The following NOTCH3 variants were observed in gnomAD, a reference collection of about 807,000 sequenced individuals.
The protein encoded by NOTCH3 is neurogenic locus notch homolog protein 3.
A neutral mutation model predicts 213.3 loss-of-function variants in NOTCH3; 86 were observed. That is an observed-to-expected ratio of 0.40 (90% CI 0.34 to 0.48). The LOEUF (loss-of-function observed/expected upper bound fraction) is 0.48. NOTCH3 is among the 20% of genes least tolerant of loss of function. The pLI is 0.57. For missense variants in NOTCH3, 2,783 were observed against 3,272.6 expected (o/e 0.85, Z 3.65); for synonymous variants, 1,354 against 1,355.9 (o/e 1.00, Z 0.03).
At position 15,190,348 on chromosome 19, in the gene NOTCH3, G is replaced by T. The variant is rs76906513; in HGVS notation, c.1037-920C>A. ...TTTTGACTCTTCTGATTACAAAAGG[G>T]TCCTACACTCCAGCCTTTGCTTCTG... On this transcript the variant is annotated intron_variant, in intron 6 of 32. Coordinates refer to ENST00000263388, the MANE Select transcript of NOTCH3 (RefSeq NM_000435.3). Among the ~76,000 whole-genome samples the T allele has an allele frequency of 2.4e-3, 363 of 152,276 alleles. 1 individual carries two copies. The highest frequency in any genetic ancestry group is 8.1e-3 in the African/African-American group (337 of 41,540).
At chr19:15,162,075 G>A (rs991946329) in intron 32 of NOTCH3, among the ~76,000 whole-genome samples, 2 of 144,696 alleles carry the variant, frequency 1.4e-5, no homozygotes, top group African/African-American at 5.1e-5. Flanking sequence ...TCAGCCTTCC[G>A]GGTTCAAGCG....
Position 15,173,800 on chromosome 19 carries a change from A to C in NOTCH3, c.4736+268T>G, listed in dbSNP as rs72992080. ...AAGGAGAAGGAGAAGAAGAAGAAGAAGAAGAAAAAAACCCTACACATGTAT... is the reference window on the plus strand; with the variant it reads ...AAGGAGAAGGAGAAGAAGAAGAAGACGAAGAAAAAAACCCTACACATGTAT... On this transcript the variant is annotated intron_variant, in intron 25 of 32. Coordinates refer to ENST00000263388, the MANE Select transcript of NOTCH3 (RefSeq NM_000435.3). Among the ~76,000 whole-genome samples, 132,754 of 147,942 alleles carry C rather than the reference A, an allele frequency of 0.9. 59,949 individuals are homozygous for C. Among genetic ancestry groups the C allele is most frequent in the African/African-American group, 0.96 (37,229 of 38,760 alleles).
At chr19:15,167,797 A>G (rs892709014) in intron 28 of NOTCH3, among the ~76,000 whole-genome samples, 33 of 151,994 alleles carry the variant, frequency 2.2e-4, no homozygotes, top group Admixed American at 4.6e-4. Flanking sequence ...TCAGGTGATC[A>G]GCCCCTCTCA....
At chr19:15,188,213 C>A in intron 9 of NOTCH3, 22 bp downstream of exon 9, 1 of 1,541,804 alleles carries the variant, frequency 6.5e-7, no homozygotes, top group Non-Finnish European at 8.9e-7. Flanking sequence ...TCTTTTCGGG[C>A]TCCCTCTCCT....
Position 15,165,645 on chromosome 19 carries a change from C to G in NOTCH3, c.5668-130G>C. 7.8e-7 allele frequency: 1 copy of G among 1,274,836 alleles called. No individual in the cohort carries two copies. Among genetic ancestry groups the G allele is most frequent in the East Asian group, 2.5e-5 (1 of 39,622 alleles). The allele number at this position is 1,274,836 out of a possible 1,614,324, so 79.0% of individuals were successfully genotyped here. A position where few individuals can be genotyped will look rare whatever the true frequency, so the allele number is the denominator to read the frequency against. On this transcript the variant is annotated intron_variant, in intron 30 of 32. Transcript: ENST00000263388. This position sits in a 1 kb window ranked among gnomAD's most constrained non-coding sequence, Gnocchi z 4.7. ...GAAATTGGTGAGGTTCAGGGAGCAG[C>G]TGCTTGACAGATACTGTATTCCCAT...
chr19:15,172,555 G>A (rs1297067579), intron 25 of NOTCH3, among the ~76,000 whole-genome samples: 1 of 151,400 alleles, frequency 6.6e-6, no homozygotes, highest in African/African-American at 2.4e-5. Flanking sequence ...CCTCCTCTCT[G>A]TATCAGAGAC....
intron 28 of NOTCH3, among the ~76,000 whole-genome samples, chr19:15,167,614 C>T (rs546639631): frequency 6.6e-6 from 1 of 151,894 alleles, no homozygotes; most frequent in Non-Finnish European, 1.5e-5. Flanking sequence ...AGTGCAGTGG[C>T]ATGATCTCAG....
Position 15,170,414 on chromosome 19 carries a change from A to G in NOTCH3, c.5031T>C (p.Pro1677=), listed in dbSNP as rs2046721973. The stretch of plus-strand genomic sequence containing the variant: ...CGTCCTTGTGCAGTGAGAAGCCCTC[A>G]GGGAACCAGAGGGTGCTGTGCTCGC... ...RKREHSTLWF[P]EGFSLHKDVA... Residue 1677 remains proline, a synonymous_variant, in exon 27 of 33, where the codon CCT becomes CCC. Coordinates refer to ENST00000263388, the MANE Select transcript of NOTCH3 (RefSeq NM_000435.3). 1.2e-6 allele frequency: 2 copies of G among 1,613,122 alleles called. No homozygotes were observed. Among genetic ancestry groups the G allele is most frequent in the Non-Finnish European group, 1.7e-6 (2 of 1,179,952 alleles).
chr19:15,188,618 C>G (rs540179664), intron 8 of NOTCH3, among the ~76,000 whole-genome samples: 1 of 152,144 alleles, frequency 6.6e-6, no homozygotes, highest in African/African-American at 2.4e-5. Context: ...AGCCCTTTCC[C>G]CAGTCCCCAG....
In NOTCH3 at chr19:15,169,186, G is replaced by GTCTCTCTGTC. The variant is rs1555726052; in HGVS notation, c.5199+899_5199+900insGACAGAGAGA. ...AAGAAGAGGATGGGATGTCAAATCT[G>GTCTCTCTGTC]TCTCTCTCTCTCTCTCTCTCTCTCT... On this transcript the variant is annotated intron_variant, in intron 28 of 32. Transcript: ENST00000263388. Among the ~76,000 whole-genome samples, 6 of 146,656 alleles carry GTCTCTCTGTC rather than the reference G, an allele frequency of 4.1e-5. No homozygotes were observed. In the East Asian group the frequency reaches 1.2e-3, roughly 30 times the overall value.
chr19:15,161,400 C>A lies in NOTCH3; in HGVS notation c.6228G>T (p.Gly2076=). The A allele has an allele frequency of 6.6e-7, 1 of 1,522,148 alleles. No individual in the cohort carries two copies. Among genetic ancestry groups the A allele is most frequent in the South Asian group, 1.2e-5 (1 of 81,554 alleles). 94.3% of individuals were successfully genotyped at this position (1,522,148 alleles called of 1,614,324 possible). The change falls in exon 33 of 33, where the codon GGG becomes GGT. Residue 2076 remains glycine (G), a synonymous_variant. Transcript: ENST00000263388. Reference sequence around the variant, plus strand: ...TCAGCTTCTTGCCCCGCCCCCGGGGCCCCTGCGGCCCCAGCCCCGCCTTCC... The same window carrying A: ...TCAGCTTCTTGCCCCGCCCCCGGGGACCCTGCGGCCCCAGCCCCGCCTTCC... The part of the protein sequence containing the change: ...PPGKAGLGPQ[G]PRGRGKKLTL...
Position 15,174,367 on chromosome 19 carries a change from A to G in NOTCH3, c.4437T>C (p.Phe1479=). ...PVYEKYCADH[F]ADGRCDQGCN... Reference sequence around the variant, plus strand: ...AGCCCTGGTCGCAGCGGCCGTCGGCAAAGTGGTCGGCGCAGTACTTCTCGT... The same window carrying G: ...AGCCCTGGTCGCAGCGGCCGTCGGCGAAGTGGTCGGCGCAGTACTTCTCGT... The change falls in exon 25 of 33, where the codon TTT becomes TTC. Residue 1479 remains phenylalanine, a synonymous_variant. Transcript: ENST00000263388. The G allele has an allele frequency of 6.5e-7, 1 of 1,544,736 alleles. No homozygotes were observed. Among genetic ancestry groups the G allele is most frequent in the Admixed American group, 2.0e-5 (1 of 50,828 alleles).
Position 15,185,553 on chromosome 19 carries a change from A to C in NOTCH3, c.2078T>G (p.Leu693Arg). 6.2e-7 allele frequency: 1 copy of C among 1,611,068 alleles called. No homozygotes were observed. The highest frequency in any genetic ancestry group is 8.5e-7 in the Non-Finnish European group (1 of 1,179,232). ...ATGGGCACAGGGATGGCTCGGGGGG[A>C]GGCAGAGTGGGGGCAAGGAGCCAGG... ...CPPGSLPPLCLPPSHPCAHEP... is the reference protein window; with the variant it reads ...CPPGSLPPLCRPPSHPCAHEP... Residue 693 changes from leucine to arginine, a missense_variant, in exon 13 of 33, where the codon CTC becomes CGC. This residue lies in a region of NOTCH3 where 861 missense variants were observed against 909.1 expected (regional missense o/e 0.95). Coordinates refer to ENST00000263388, the MANE Select transcript of NOTCH3 (RefSeq NM_000435.3). This position sits in a 1 kb window ranked among gnomAD's most constrained non-coding sequence, Gnocchi z 4.2.
chr19:15,178,915 G>A lies in NOTCH3; in HGVS notation c.3745C>T (p.Pro1249Ser), dbSNP rs972565503. The part of the protein sequence containing the change: ...SGPRCQTVLS[P>S]CESQPCQHGG... ...TGCTGGCATGGCTGGGACTCGCAGG[G>A]AGACAGGACAGTCTGACAGCGAGGA... is the stretch of plus-strand genomic sequence containing the variant. Residue 1249 changes from proline to serine, a missense_variant, in exon 23 of 33, where the codon CCC becomes TCC. By Grantham distance (74) the Pro-to-Ser change is moderately conservative. Transcript: ENST00000263388. The A allele has an allele frequency of 2.5e-6, 4 of 1,613,670 alleles. No individual in the cohort carries two copies. Among genetic ancestry groups the A allele is most frequent in the Non-Finnish European group, 3.4e-6 (4 of 1,179,884 alleles).
intron 16 of NOTCH3, among the ~76,000 whole-genome samples, chr19:15,182,116 C>T (rs2046846425): frequency 6.6e-6 from 1 of 152,042 alleles, no homozygotes; most frequent in African/African-American, 2.4e-5. Flanking sequence ...GGCCATTAGC[C>T]ACATGTGGCT....
rs750483384 is a variant in NOTCH3, at chr19:15,178,951, C to T, written c.3719-10G>A. 12 of 1,613,888 alleles carry T rather than the reference C, an allele frequency of 7.4e-6. No individual in the cohort carries two copies. The highest frequency in any genetic ancestry group is 1.1e-5 in the South Asian group (1 of 91,078). On this transcript the variant is annotated splice_polypyrimidine_tract_variant and intron_variant, in intron 22 of 32. Coordinates refer to ENST00000263388, the MANE Select transcript of NOTCH3 (RefSeq NM_000435.3). ...GTCTGACAGCGAGGACCTGAGCGAG[C>T]GGGAGCATGTAGATCAGCCACAATG...
At chr19:15,195,194 C>T (rs1167530301) in intron 2 of NOTCH3, among the ~76,000 whole-genome samples, 1 of 152,110 alleles carries the variant, frequency 6.6e-6, no homozygotes, top group Non-Finnish European at 1.5e-5. Context: ...CAAGTCCCTT[C>T]TCTGGGACTT....
intron 16 of NOTCH3, 83 bp from the exon 17 acceptor site, chr19:15,181,884 G>T (rs1350122832): frequency 2.9e-5 from 35 of 1,203,538 alleles, no homozygotes; most frequent in Non-Finnish European, 3.5e-6. Context: ...GGATTGAGAA[G>T]AATTCAGGAG....
intron 10 of NOTCH3, 81 bp downstream of exon 10, chr19:15,187,800 T>C (rs937285358): frequency 2.6e-6 from 3 of 1,166,898 alleles, no homozygotes; most frequent in Non-Finnish European, 3.8e-6. Context: ...GCCCCCAAGC[T>C]CTCCCCAAGT....
Sources: gnomAD v4.1 joint callset for allele counts (sites outside exome capture counted in the v4.1 genomes callset) on GRCh38, gnomAD v4.1.1 for gene constraint, gnomAD v4.1.1 regional missense constraint, Gnocchi (gnomAD v3.1) non-coding constraint, MANE v1.5 for transcripts, NCBI Gene and HGNC (gene_info 2026-07-23, HGNC 2026-07-21) for gene names.